Variants in CTNND2 observed in about 807,000 individuals in gnomAD.
CTNND2 encodes catenin delta 2.
A neutral mutation model predicts 144.4 loss-of-function variants in CTNND2; 22 were observed. The ratio of observed to expected loss-of-function variants is 0.15; its 90% CI spans 0.11 to 0.22. CTNND2 has a LOEUF of 0.22. Ranked by LOEUF, CTNND2 falls within the 10% of genes least tolerant of loss-of-function variation. CTNND2 has a pLI of 1.00. For missense variants in CTNND2, 1,353 were observed against 1,618.8 expected (o/e 0.84, Z 2.82); for synonymous variants, 751 against 695.6 (o/e 1.08, Z -1.25).
chr5:11,546,174 T>C (rs1454626145), intron 3 of CTNND2, among the ~76,000 whole-genome samples: 1 of 152,110 alleles, frequency 6.6e-6, no homozygotes, highest in Non-Finnish European at 1.5e-5. Flanking sequence ...GTGATGGAAA[T>C]GTTCTAAAAT....
At chr5:11,328,890 C>T (rs756719413) in intron 9 of CTNND2, among the ~76,000 whole-genome samples, 2 of 152,196 alleles carry the variant, frequency 1.3e-5, no homozygotes, top group African/African-American at 4.8e-5. Flanking sequence ...GTTTACTGGG[C>T]CTGCCCTGCA....
chr5:11,529,266 A>T (rs1421565701), intron 3 of CTNND2, among the ~76,000 whole-genome samples: 1 of 152,222 alleles, frequency 6.6e-6, no homozygotes, highest in Non-Finnish European at 1.5e-5. Flanking sequence ...ACAAAACAAC[A>T]ACAACAGCAA....
intron 16 of CTNND2, among the ~76,000 whole-genome samples, chr5:11,036,371 ACT>A (rs1228994889): frequency 6.6e-6 from 1 of 151,912 alleles, no homozygotes; most frequent in African/African-American, 2.4e-5. Flanking sequence ...ATCCCAGATA[ACT>A]CTTTTTGAAA....
chr5:11,159,757 C>T lies in CTNND2; in HGVS notation c.1978G>A (p.Val660Ile), dbSNP rs2149767880. The T allele has an allele frequency of 1.3e-6, 2 of 1,582,554 alleles. No individual in the cohort carries two copies. The highest frequency in any genetic ancestry group is 4.6e-5 in the East Asian group (2 of 43,300). ...TCGCATGAGGAGAGGTTCCAAAGGA[C>T]TCCTGCAAGAGACACACAAAAAGAG... ...DLEIRELVTG[V>I]LWNLSSCDAL... is the part of the protein sequence containing the mutation. Residue 660 changes from valine (V) to isoleucine (I), a missense_variant and splice_region_variant, in exon 12 of 22, where the codon GTC (valine) becomes ATC (isoleucine). Physicochemically the swap from Val to Ile is conservative, Grantham distance 29. Transcript: ENST00000304623.
At chr5:10,986,809 G>A (rs778666942) in intron 20 of CTNND2, 7 of 366,022 alleles carry the variant, frequency 1.9e-5, no homozygotes, top group African/African-American at 4.3e-5. Context: ...GAGTTAACAC[G>A]GAAAACACTG....
intron 1 of CTNND2, among the ~76,000 whole-genome samples, chr5:11,751,717 T>G (rs1329569964): frequency 1.3e-5 from 2 of 151,910 alleles, no homozygotes; most frequent in African/African-American, 4.8e-5. Flanking sequence ...TACATTCCTT[T>G]GGGAATATAC....
chr5:11,473,360 G>A (rs1222766020), intron 3 of CTNND2, among the ~76,000 whole-genome samples: 1 of 152,156 alleles, frequency 6.6e-6, no homozygotes, highest in Non-Finnish European at 1.5e-5. Flanking sequence ...TGTTCATGTT[G>A]TTTATTATAA....
At position 11,904,023 on chromosome 5, in the gene CTNND2, G is replaced by A. The variant is rs1582097863; in HGVS notation, c.-170C>T. 1.3e-5 allele frequency: 8 copies of A among 630,032 alleles called. No individual in the cohort carries two copies. In the East Asian group the frequency reaches 3.4e-4, roughly 27 times the overall value. 39.0% of individuals were successfully genotyped at this position (630,032 alleles called of 1,614,324 possible). A position where few individuals can be genotyped will look rare whatever the true frequency, so the allele number is the denominator to read the frequency against. ...CGGGCGGCAGGGGCGAGCGCCGCGG[G>A]CGAGAGGCGGCTCCCGACGCGAGTG... is the stretch of plus-strand genomic sequence containing the variant. On this transcript the variant is annotated 5_prime_UTR_variant, in exon 1 of 22. Transcript: ENST00000304623. The surrounding 1 kb of genome is among the most constrained non-coding windows in gnomAD (Gnocchi z 4.2).
intron 2 of CTNND2, among the ~76,000 whole-genome samples, chr5:11,596,595 G>A (rs186082986): frequency 6.0e-4 from 91 of 152,298 alleles, no homozygotes; most frequent in Admixed American, 1.6e-3. Context: ...ACATCAAAGC[G>A]TAACTATATA....
chr5:11,849,268 A>G (rs1175575719), intron 1 of CTNND2, among the ~76,000 whole-genome samples: 1 of 152,124 alleles, frequency 6.6e-6, no homozygotes, highest in Non-Finnish European at 1.5e-5. Context: ...AGTATAGGGG[A>G]AACTGCCCCC....
chr5:11,152,817 G>A (rs920679924), intron 12 of CTNND2, among the ~76,000 whole-genome samples: 2 of 152,176 alleles, frequency 1.3e-5, no homozygotes, highest in African/African-American at 4.8e-5. Context: ...ATCTTTACTA[G>A]ACACACTGAT....
At chr5:11,304,057 G>C (rs548829181) in intron 9 of CTNND2, among the ~76,000 whole-genome samples, 19 of 152,198 alleles carry the variant, frequency 1.2e-4, no homozygotes, top group Admixed American at 2.0e-4. Flanking sequence ...TGATTGTGAG[G>C]CCTCCCCAGC....
intron 16 of CTNND2, among the ~76,000 whole-genome samples, chr5:11,060,099 A>G (rs1399906017): frequency 1.3e-5 from 2 of 152,170 alleles, no homozygotes; most frequent in East Asian, 1.9e-4. Context: ...TAAATGTTTG[A>G]CAGAGTCTCC....
chr5:11,629,195 T>C (rs1293438089), intron 2 of CTNND2, among the ~76,000 whole-genome samples: 1 of 152,158 alleles, frequency 6.6e-6, no homozygotes, highest in Non-Finnish European at 1.5e-5. Flanking sequence ...TTGAGTAATG[T>C]ATATCAAGCA....
At chr5:11,427,812 A>G (rs1287675518) in intron 3 of CTNND2, among the ~76,000 whole-genome samples, 3 of 151,978 alleles carry the variant, frequency 2.0e-5, no homozygotes, top group Non-Finnish European at 4.4e-5. Context: ...GCTCCCATCA[A>G]TTATCTCCAC....
At chr5:11,538,036 G>T (rs1210662607) in intron 3 of CTNND2, among the ~76,000 whole-genome samples, 1 of 152,158 alleles carries the variant, frequency 6.6e-6, no homozygotes, top group African/African-American at 2.4e-5. Flanking sequence ...TCAACCTAAA[G>T]AAACTCTTCC....
At chr5:11,031,908 G>T (rs758736980) in intron 16 of CTNND2, among the ~76,000 whole-genome samples, 1 of 152,186 alleles carries the variant, frequency 6.6e-6, no homozygotes, top group Admixed American at 6.5e-5. Flanking sequence ...CTGCACTGTT[G>T]TCCTTCCCTA....
chr5:11,253,837 T>G (rs1295933266), intron 9 of CTNND2, among the ~76,000 whole-genome samples: 1 of 152,332 alleles, frequency 6.6e-6, no homozygotes, highest in Non-Finnish European at 1.5e-5. Flanking sequence ...AAAAGGGAGT[T>G]GCTAAGCCAA....
At chr5:11,151,971 T>A (rs1169160069) in intron 12 of CTNND2, among the ~76,000 whole-genome samples, 1 of 152,154 alleles carries the variant, frequency 6.6e-6, no homozygotes, top group African/African-American at 2.4e-5. Flanking sequence ...TTCGAACTTT[T>A]CCTAATGGAA....
Sources: gnomAD v4.1 joint callset for allele counts (sites outside exome capture counted in the v4.1 genomes callset) on GRCh38, gnomAD v4.1.1 for gene constraint, Gnocchi (gnomAD v3.1) non-coding constraint, MANE v1.5 for transcripts, NCBI Gene and HGNC (gene_info 2026-07-23, HGNC 2026-07-21) for gene names.